The following ISX variants were observed in gnomAD, a reference collection of about 807,000 sequenced individuals.
The protein encoded by ISX is intestine specific homeobox, also known as intestine-specific homeobox.
In ISX, 15 loss-of-function variants were observed where a neutral mutation model predicts 16.9. That is an observed-to-expected ratio of 0.89 (90% CI 0.59 to 1.36). The LOEUF (loss-of-function observed/expected upper bound fraction) is 1.36. Ranked by LOEUF, ISX falls within the 40% of genes most tolerant of loss-of-function variation. The pLI is 0.00. For missense variants in ISX, 316 were observed against 306.1 expected, an observed-to-expected ratio of 1.03 and a Z score of -0.24; for synonymous variants, 125 against 119.7, an observed-to-expected ratio of 1.04 and a Z score of -0.29.
rs760309316 is a variant in ISX at position 35,085,948 on chromosome 22, C to T, written c.*255C>T. The T allele has an allele frequency of 2.2e-5, 12 of 537,252 alleles. 1 individual carries two copies. The highest frequency in any genetic ancestry group is 1.0e-4 in the South Asian group (5 of 47,986). 33.3% of individuals were successfully genotyped at this position (537,252 alleles called of 1,614,324 possible). ...AGACAGGCTGGATGAGATCTCAGGC[C>T]GAGCTCTGAAATAGGGAGGTAATCC... On this transcript the variant is annotated 3_prime_UTR_variant, in exon 5 of 5. Coordinates refer to ENST00000404699, the MANE Select transcript of ISX (RefSeq NM_001303508.2).
intron 2 of ISX, among the ~76,000 whole-genome samples, chr22:35,072,025 G>C (rs747874128): frequency 2.6e-5 from 4 of 152,238 alleles, no homozygotes; most frequent in Non-Finnish European, 5.9e-5. Flanking sequence ...TACCCAGGTA[G>C]ACCCAGGAGC....
chr22:35,082,385 C>G (rs528224550), intron 2 of ISX, 133 bp from the exon 3 acceptor site: 8 of 817,726 alleles, frequency 9.8e-6, no homozygotes, highest in Non-Finnish European at 1.4e-5. Context: ...CTGTGAAGCT[C>G]CAAGCTCAAG....
intron 2 of ISX, among the ~76,000 whole-genome samples, chr22:35,071,736 A>T (rs1033395749): frequency 6.6e-6 from 1 of 152,134 alleles, no homozygotes; most frequent in African/African-American, 2.4e-5. Flanking sequence ...ATCTCAGGAG[A>T]CTGGGAGAAG....
At chr22:35,071,879 CCCT>C (rs1446319830) in intron 2 of ISX, among the ~76,000 whole-genome samples, 3 of 152,126 alleles carry the variant, frequency 2.0e-5, no homozygotes, top group South Asian at 2.1e-4. Flanking sequence ...CTTTCCGTAG[CCCT>C]CCTCCTCCCC....
At chr22:35,076,406 T>C (rs1307426209) in intron 2 of ISX, among the ~76,000 whole-genome samples, 1 of 152,212 alleles carries the variant, frequency 6.6e-6, no homozygotes, top group African/African-American at 2.4e-5. Flanking sequence ...GAGCTTGCCT[T>C]GTTCCCTGTG....
chr22:35,066,873 C>T lies in ISX; in HGVS notation c.-215C>T, dbSNP rs920877097. The stretch of plus-strand genomic sequence containing the variant: ...GATGTCAAACTGGTAAGGGCTGAGC[C>T]GTGGGCACAGGATACCACTCCTTCC... On this transcript the variant is annotated 5_prime_UTR_variant, in exon 2 of 5. Transcript: ENST00000404699. 1.4e-5 allele frequency: 8 copies of T among 553,664 alleles called. No individual in the cohort carries two copies. The highest frequency in any genetic ancestry group is 9.4e-5 in the South Asian group (4 of 42,746). 34.3% of individuals were successfully genotyped at this position (553,664 alleles called of 1,614,324 possible). A position where few individuals can be genotyped will look rare whatever the true frequency, so the allele number is the denominator to read the frequency against.
chr22:35,078,587 G>A (rs1929046572), intron 2 of ISX, among the ~76,000 whole-genome samples: 1 of 152,150 alleles, frequency 6.6e-6, no homozygotes, highest in African/African-American at 2.4e-5. Flanking sequence ...CACTCTAGTG[G>A]GGAGTAATGT....
At chr22:35,083,165 G>A (rs1929163770) in intron 3 of ISX, among the ~76,000 whole-genome samples, 1 of 152,222 alleles carries the variant, frequency 6.6e-6, no homozygotes, top group Admixed American at 6.5e-5. Context: ...TTTGAATGTT[G>A]TGTAATTTGC....
chr22:35,077,649 A>G (rs564780534), intron 2 of ISX, among the ~76,000 whole-genome samples: 2 of 152,246 alleles, frequency 1.3e-5, no homozygotes, highest in East Asian at 3.9e-4. Context: ...TCACCTCTCA[A>G]GGACAAACAT....
intron 2 of ISX, among the ~76,000 whole-genome samples, chr22:35,075,925 T>C (rs4365556): frequency 0.42 from 63,568 of 151,824 alleles, 14,148 homozygotes; most frequent in Non-Finnish European, 0.51. Context: ...TACAGAAAAA[T>C]AGAAAATACA....
Position 35,085,565 on chromosome 22 carries a change from C to G in ISX, c.610C>G (p.Leu204Val). ...CTGGTTCCCTGCCTGGATCACCCTCCTCCCAGCGCACCCATGGGAAACACA... is the reference window on the plus strand; with the variant it reads ...CTGGTTCCCTGCCTGGATCACCCTCGTCCCAGCGCACCCATGGGAAACACA... ...SAWFPAWITL[L>V]PAHPWETQPV... Residue 204 changes from leucine to valine, a missense_variant, in exon 5 of 5, where the codon CTC becomes GTC. Leu to Val is a conservative substitution (Grantham distance 32). Transcript: ENST00000404699. 1 of 1,614,252 alleles carries G rather than the reference C, an allele frequency of 6.2e-7. No individual in the cohort carries two copies. Among genetic ancestry groups the G allele is most frequent in the Non-Finnish European group, 8.5e-7 (1 of 1,180,044 alleles).
In ISX at chr22:35,086,086, T is replaced by G; in HGVS notation, c.*393T>G. 3.3e-6 allele frequency: 1 copy of G among 300,758 alleles called. No individual in the cohort carries two copies. Among genetic ancestry groups the G allele is most frequent in the South Asian group, 3.4e-5 (1 of 29,212 alleles). The allele number at this position is 300,758 out of a possible 1,614,324, so 18.6% of individuals were successfully genotyped here. On this transcript the variant is annotated 3_prime_UTR_variant, in exon 5 of 5. Coordinates refer to ENST00000404699, the MANE Select transcript of ISX (RefSeq NM_001303508.2). ...TGGATAAGATGATTTCTGAAGACGC[T>G]TCCATGGTGGGCACTGAGGCACAGA...
intron 2 of ISX, among the ~76,000 whole-genome samples, chr22:35,074,707 A>G (rs16995263): frequency 6.6e-6 from 1 of 152,174 alleles, no homozygotes; most frequent in Non-Finnish European, 1.5e-5. Flanking sequence ...ATAACTAAAC[A>G]TGGATTTCCC....
intron 2 of ISX, among the ~76,000 whole-genome samples, chr22:35,071,314 C>G (rs1296838673): frequency 6.6e-6 from 1 of 152,234 alleles, no homozygotes; most frequent in Admixed American, 6.5e-5. Context: ...TTACCACAAC[C>G]TGAGTGGCTT....
chr22:35,067,131 GA>G lies in ISX; in HGVS notation c.47del (p.Asn16IlefsTer12). On this transcript the variant is annotated frameshift_variant, in exon 2 of 5. Coordinates refer to ENST00000404699, the MANE Select transcript of ISX (RefSeq NM_001303508.2). LOFTEE classifies it high-confidence loss of function. ...CCTGCTCTCTGCAGGGGTATGGAGA[GA>G]AATAGCTTGGGGTGCTGTGAGGCCC... ...VGPALCRGMERNSLGCCEAPK... is the reference protein window; with the variant it reads ...VGPALCRGMEXNSLGCCEAPK... 1 of 1,614,092 alleles carries G rather than the reference GA, an allele frequency of 6.2e-7. No homozygotes were observed. Among genetic ancestry groups the G allele is most frequent in the Non-Finnish European group, 8.5e-7 (1 of 1,179,992 alleles).
intron 2 of ISX, among the ~76,000 whole-genome samples, chr22:35,081,668 G>A (rs1319413400): frequency 6.6e-6 from 1 of 152,182 alleles, no homozygotes; most frequent in Non-Finnish European, 1.5e-5. Flanking sequence ...GAGTTGCAGA[G>A]TGGAACCAAG....
At chr22:35,083,987 A>C (rs1051105431) in intron 3 of ISX, among the ~76,000 whole-genome samples, 8 of 152,270 alleles carry the variant, frequency 5.3e-5, no homozygotes, top group African/African-American at 1.9e-4. Flanking sequence ...ACAGTAGTTT[A>C]AAACTCAGAA....
intron 2 of ISX, among the ~76,000 whole-genome samples, chr22:35,079,666 C>T (rs1270463610): frequency 6.6e-6 from 1 of 152,166 alleles, no homozygotes; most frequent in African/African-American, 2.4e-5. Flanking sequence ...TTCCCAAGAG[C>T]GGTTTTTCTT....
At chr22:35,084,186 T>G (rs1404557009) in intron 3 of ISX, among the ~76,000 whole-genome samples, 197 bp from the exon 4 acceptor site, 1 of 152,264 alleles carries the variant, frequency 6.6e-6, no homozygotes, top group Non-Finnish European at 1.5e-5. Flanking sequence ...CCCCTGGCCC[T>G]GTAGGCATTG....
Sources: gnomAD v4.1 joint callset for allele counts (sites outside exome capture counted in the v4.1 genomes callset) on GRCh38, gnomAD v4.1.1 for gene constraint, MANE v1.5 for transcripts, NCBI Gene and HGNC (gene_info 2026-07-23, HGNC 2026-07-21) for gene names.